TRHDE: variants seen among roughly 807,000 people sequenced by gnomAD.
The protein encoded by TRHDE is thyrotropin releasing hormone degrading enzyme.
Under a neutral mutation model 125.7 loss-of-function variants are expected in TRHDE, and 72 were observed. The observed-to-expected ratio is 0.57, with a 90% confidence interval of 0.47 to 0.70. TRHDE has a LOEUF of 0.70. Ranked by LOEUF, TRHDE falls within the 30% of genes least tolerant of loss-of-function variation. The probability of loss-of-function intolerance (pLI) is 0.00; values close to 1 mark genes in which losing one functional copy is unlikely to be tolerated. For synonymous variants in TRHDE, 509 were observed against 509.1 expected (o/e 1.00, Z 0.00); for missense variants, 1,110 against 1,327.1 (o/e 0.84, Z 2.54).
chr12:72,222,879 G>A (rs890655445), intron 2 of TRHDE, among the ~76,000 whole-genome samples: 2 of 152,074 alleles, frequency 1.3e-5, no homozygotes, highest in Admixed American at 1.3e-4. Flanking sequence ...TGATGGAAAG[G>A]AATACTACAG....
At chr12:72,567,564 TATA>T (rs1870508044) in intron 9 of TRHDE, among the ~76,000 whole-genome samples, 1 of 151,998 alleles carries the variant, frequency 6.6e-6, no homozygotes, top group Non-Finnish European at 1.5e-5. Flanking sequence ...ACATATTCAT[TATA>T]ATGTTTATTA....
At chr12:72,196,299 T>C (rs975558620) in intron 2 of TRHDE, among the ~76,000 whole-genome samples, 5 of 152,136 alleles carry the variant, frequency 3.3e-5, no homozygotes, top group African/African-American at 1.2e-4. Context: ...ATTGAACTTG[T>C]AGATTATTTT....
At chr12:72,631,714 C>A (rs1873503187) in intron 15 of TRHDE, among the ~76,000 whole-genome samples, 1 of 151,856 alleles carries the variant, frequency 6.6e-6, no homozygotes, top group African/African-American at 2.4e-5. Context: ...CACATAAACA[C>A]GCACACAAGT....
Position 72,151,117 on chromosome 12 carries a change from T to A in TRHDE, n.279+45365T>A, listed in dbSNP as rs1876352763. Among the ~76,000 whole-genome samples the A allele has an allele frequency of 4.6e-5, 7 of 152,210 alleles. No individual in the cohort carries two copies. The South Asian group carries it at 1.4e-3, about 31-fold the overall frequency. ...TAACTGGTGTGAGATGGTATCTCAT[T>A]GTGGTTTTGATTTGCATTTCTCTGA... On this transcript the variant is annotated intron_variant and non_coding_transcript_variant, in intron 2 of 4. Transcript: ENST00000548156.
At chr12:72,615,113 C>G (rs1189540819) in intron 12 of TRHDE, among the ~76,000 whole-genome samples, 2 of 151,940 alleles carry the variant, frequency 1.3e-5, no homozygotes, top group African/African-American at 4.8e-5. Context: ...CCTCATTTGC[C>G]TCTTTCTCAT....
chr12:72,455,029 C>T (rs1030090266), intron 3 of TRHDE, among the ~76,000 whole-genome samples: 2 of 152,064 alleles, frequency 1.3e-5, no homozygotes, highest in Admixed American at 6.6e-5. Context: ...TCATTGAACA[C>T]AATATTTTAC....
chr12:72,311,970 T>C (rs1355107190), intron 2 of TRHDE, among the ~76,000 whole-genome samples: 1 of 152,184 alleles, frequency 6.6e-6, no homozygotes, highest in Non-Finnish European at 1.5e-5. Context: ...AATGTCTGGA[T>C]TGTAGCAAAG....
intron 2 of TRHDE, among the ~76,000 whole-genome samples, chr12:72,341,692 A>C (rs1443898400): frequency 1.3e-5 from 2 of 152,114 alleles, no homozygotes; most frequent in Non-Finnish European, 2.9e-5. Flanking sequence ...TGTAGATGAG[A>C]AGTGGTGATG....
At chr12:72,569,197 A>G (rs1208705840) in intron 10 of TRHDE, among the ~76,000 whole-genome samples, 1 of 152,178 alleles carries the variant, frequency 6.6e-6, no homozygotes, top group Non-Finnish European at 1.5e-5. Context: ...TTCTCTTTCT[A>G]AATATCTTCA....
intron 7 of TRHDE, among the ~76,000 whole-genome samples, chr12:72,558,524 A>G (rs1027030664): frequency 6.6e-6 from 1 of 152,196 alleles, no homozygotes; most frequent in African/African-American, 2.4e-5. Context: ...TTTAGGTTAT[A>G]TTAAGGAGTT....
At chr12:72,520,638 G>A (rs200611256) in intron 6 of TRHDE, among the ~76,000 whole-genome samples, 1 of 152,160 alleles carries the variant, frequency 6.6e-6, no homozygotes, top group Non-Finnish European at 1.5e-5. Flanking sequence ...GACTGGAGCT[G>A]TTCCTATTCG....
At chr12:72,607,432 T>C (rs945187691) in intron 12 of TRHDE, among the ~76,000 whole-genome samples, 5 of 152,310 alleles carry the variant, frequency 3.3e-5, no homozygotes, top group East Asian at 3.9e-4. Flanking sequence ...GTTTCCTTCA[T>C]TGATTTTTTT....
chr12:72,225,407 C>T (rs1363203658), intron 2 of TRHDE, among the ~76,000 whole-genome samples: 2 of 152,124 alleles, frequency 1.3e-5, no homozygotes, highest in South Asian at 2.1e-4. Context: ...CTGCTTCTCA[C>T]ACAGCATTAA....
intron 2 of TRHDE, among the ~76,000 whole-genome samples, chr12:72,154,181 G>C (rs1387016782): frequency 6.6e-6 from 1 of 151,940 alleles, no homozygotes; most frequent in African/African-American, 2.4e-5. Context: ...GATCTTTGTT[G>C]GTTTAAAGTC....
At chr12:72,472,547 C>A (rs1263494138) in intron 4 of TRHDE, among the ~76,000 whole-genome samples, 2 of 152,154 alleles carry the variant, frequency 1.3e-5, no homozygotes, top group East Asian at 1.9e-4. Context: ...ATAGCCTCTG[C>A]CACTAGAGGG....
At chr12:72,515,556 G>T (rs1042310767) in intron 6 of TRHDE, among the ~76,000 whole-genome samples, 2 of 152,110 alleles carry the variant, frequency 1.3e-5, no homozygotes, top group African/African-American at 4.8e-5. Flanking sequence ...TGTCAGATGA[G>T]TAGGTTGCGA....
chr12:72,516,701 G>T (rs1396508657), intron 6 of TRHDE, among the ~76,000 whole-genome samples: 2 of 150,758 alleles, frequency 1.3e-5, no homozygotes, highest in African/African-American at 4.8e-5. Context: ...AGTGGTGAGA[G>T]AGGGCATCCC....
intron 2 of TRHDE, among the ~76,000 whole-genome samples, chr12:72,118,766 G>A (rs1875506944): frequency 6.6e-6 from 1 of 152,040 alleles, no homozygotes; most frequent in Non-Finnish European, 1.5e-5. Context: ...TTTTTTCATG[G>A]TTCAGTTTCA....
At chr12:72,434,747 G>A (rs1013448245) in intron 3 of TRHDE, among the ~76,000 whole-genome samples, 1 of 152,174 alleles carries the variant, frequency 6.6e-6, no homozygotes, top group African/African-American at 2.4e-5. Flanking sequence ...AAAGGCTCAT[G>A]TAAATAAATA....
Sources: allele counts gnomAD v4.1 joint callset (sites outside exome capture counted in the v4.1 genomes callset), GRCh38; gene constraint gnomAD v4.1.1; transcripts MANE v1.5; gene names NCBI Gene and HGNC (gene_info 2026-07-23, HGNC 2026-07-21).